Variants in KCTD1 observed in about 807,000 individuals in gnomAD.
KCTD1 encodes potassium channel tetramerization domain containing 1.
In KCTD1, 24 loss-of-function variants were observed where a neutral mutation model predicts 66.0. The observed-to-expected ratio is 0.36, with a 90% confidence interval of 0.26 to 0.51. The LOEUF (loss-of-function observed/expected upper bound fraction) is 0.51. Among genes scored for constraint, KCTD1 ranks in the 20% least tolerant of loss-of-function variants. The pLI is 0.95. For missense variants in KCTD1, 943 were observed against 1,205.2 expected (o/e 0.78, Z 3.22); for synonymous variants, 511 against 517.2 (o/e 0.99, Z 0.16).
chr18:26,541,953 G>C (rs1298366662), intron 1 of KCTD1, among the ~76,000 whole-genome samples: 1 of 152,010 alleles, frequency 6.6e-6, no homozygotes, highest in African/African-American at 2.4e-5. Context: ...ACTTTATAGG[G>C]CCCAAAACTT....
At chr18:26,502,744 T>C (rs1391570249) in intron 1 of KCTD1, among the ~76,000 whole-genome samples, 1 of 152,180 alleles carries the variant, frequency 6.6e-6, no homozygotes, top group East Asian at 1.9e-4. Flanking sequence ...AGATTTATAA[T>C]TTTAGCCAAA....
At chr18:26,512,083 T>C (rs1048269093) in intron 1 of KCTD1, among the ~76,000 whole-genome samples, 3 of 152,230 alleles carry the variant, frequency 2.0e-5, no homozygotes, top group African/African-American at 7.2e-5. Flanking sequence ...TTAACTTGAA[T>C]TGAGTCTCTG....
chr18:26,601,326 T>TTAA (rs1555646203), intron 1 of KCTD1, among the ~76,000 whole-genome samples: 6,882 of 93,266 alleles, frequency 0.074, 442 homozygotes, highest in Non-Finnish European at 0.11. Flanking sequence ...TGTTCATTGG[T>TTAA]AAAAAAAAAA....
Position 26,476,511 on chromosome 18 carries a change from T to C in KCTD1, c.2133+4A>G, listed in dbSNP as rs752591756. On this transcript the variant is annotated splice_donor_region_variant and intron_variant, in intron 3 of 4. Coordinates refer to ENST00000580059, the MANE Select transcript of KCTD1 (RefSeq NM_001142730.3). The surrounding 1 kb of genome is among the most constrained non-coding windows in gnomAD (Gnocchi z 4.9). The stretch of plus-strand genomic sequence containing the variant: ...CTATTGGTGATTTAACATGGATCCC[T>C]CACCTTGAAATCATCAGGAATGAGG... 1.7e-5 allele frequency: 28 copies of C among 1,602,992 alleles called. No individual in the cohort carries two copies. The highest frequency in any genetic ancestry group is 2.3e-5 in the Non-Finnish European group (27 of 1,177,402).
intron 1 of KCTD1, chr18:26,544,692 A>G (rs1256383535): frequency 6.6e-6 from 1 of 152,182 alleles, no homozygotes; most frequent in African/African-American, 2.4e-5. Flanking sequence ...CTGAACCTCA[A>G]CTCTTACAGT....
intron 1 of KCTD1, among the ~76,000 whole-genome samples, chr18:26,504,429 C>T (rs1982926198): frequency 6.6e-6 from 1 of 152,162 alleles, no homozygotes; most frequent in Non-Finnish European, 1.5e-5. Flanking sequence ...CAGGGTTTCG[C>T]CATGTTGCCC....
At chr18:26,550,660 G>T (rs373779835), upstream of KCTD1, among the ~76,000 whole-genome samples, 239 of 152,026 alleles carry the variant, frequency 1.6e-3, 4 homozygotes, top group African/African-American at 5.6e-3. The surrounding 1 kb of genome is among the most constrained non-coding windows in gnomAD (Gnocchi z 5.4). Context: ...TCGTCCCCGA[G>T]GTGCGGCGCG....
chr18:26,617,207 G>T (rs1181210140), intron 1 of KCTD1, among the ~76,000 whole-genome samples: 2 of 152,154 alleles, frequency 1.3e-5, no homozygotes, highest in Non-Finnish European at 2.9e-5. Context: ...ACCTTTCCAG[G>T]TCATTTCTCC....
At chr18:26,592,040 T>C (rs965667297) in intron 1 of KCTD1, among the ~76,000 whole-genome samples, 3 of 152,216 alleles carry the variant, frequency 2.0e-5, no homozygotes, top group African/African-American at 7.2e-5. Flanking sequence ...AACTACTAGT[T>C]ACTTTGTTAG....
At chr18:26,493,086 T>A (rs1371879210) in intron 2 of KCTD1, among the ~76,000 whole-genome samples, 1 of 152,246 alleles carries the variant, frequency 6.6e-6, no homozygotes, top group African/African-American at 2.4e-5. Context: ...GGATACAGGA[T>A]GAAACCTCCC....
At chr18:26,532,334 A>C (rs1414840273) in intron 1 of KCTD1, among the ~76,000 whole-genome samples, 3 of 145,182 alleles carry the variant, frequency 2.1e-5, no homozygotes, top group Non-Finnish European at 4.4e-5. Context: ...CAGTGGCACA[A>C]TCATAGCTCA....
intron 1 of KCTD1, among the ~76,000 whole-genome samples, chr18:26,532,260 TC>T (rs1466292306): frequency 3.0e-4 from 9 of 29,796 alleles, no homozygotes; most frequent in Middle Eastern, 0.026. Flanking sequence ...TTTCTTTCCT[TC>T]TTTTTTTTTT....
intron 1 of KCTD1, among the ~76,000 whole-genome samples, chr18:26,625,836 T>A (rs1987487011): frequency 6.6e-6 from 1 of 152,312 alleles, no homozygotes; most frequent in African/African-American, 2.4e-5. Flanking sequence ...CATTTCCTTC[T>A]CATTTCCATA....
chr18:26,495,074 C>T (rs938733391), intron 2 of KCTD1, among the ~76,000 whole-genome samples: 2 of 151,824 alleles, frequency 1.3e-5, no homozygotes, highest in African/African-American at 2.4e-5. Context: ...GCAGTGATTC[C>T]GAAAGCAAGT....
chr18:26,641,506 A>G (rs185753663), upstream of KCTD1, among the ~76,000 whole-genome samples: 11 of 152,292 alleles, frequency 7.2e-5, no homozygotes, highest in East Asian at 2.1e-3. Context: ...GCAGCCCAAG[A>G]GTGAATTTTC....
chr18:26,464,481 T>G (rs570381314), intron 3 of KCTD1, among the ~76,000 whole-genome samples: 1 of 152,218 alleles, frequency 6.6e-6, no homozygotes. Context: ...TGCAAAGCAT[T>G]GTATTCACAG....
chr18:26,491,773 T>G (rs1342056310), intron 2 of KCTD1, among the ~76,000 whole-genome samples: 2 of 152,132 alleles, frequency 1.3e-5, no homozygotes, highest in Non-Finnish European at 2.9e-5. Flanking sequence ...GGGAATAAGG[T>G]GAAGGCTGCC....
At chr18:26,579,500 A>G (rs753830774) in intron 1 of KCTD1, among the ~76,000 whole-genome samples, 1 of 152,158 alleles carries the variant, frequency 6.6e-6, no homozygotes, top group Non-Finnish European at 1.5e-5. Context: ...CCTGATTTAG[A>G]TAAAGTTAGG....
chr18:26,552,749 A>G (rs558931392), upstream of KCTD1, among the ~76,000 whole-genome samples: 59 of 152,254 alleles, frequency 3.9e-4, no homozygotes, highest in African/African-American at 1.4e-3. Flanking sequence ...AAGTGTCTCT[A>G]TTAAGAGAGG....
Sources: gnomAD v4.1 joint callset for allele counts (sites outside exome capture counted in the v4.1 genomes callset) on GRCh38, gnomAD v4.1.1 for gene constraint, Gnocchi (gnomAD v3.1) non-coding constraint, MANE v1.5 for transcripts, NCBI Gene and HGNC (gene_info 2026-07-23, HGNC 2026-07-21) for gene names.